CCNK: variants seen among roughly 807,000 people sequenced by gnomAD.
CCNK encodes cyclin K, also known as cyclin-K.
CCNK carries 9 observed loss-of-function variants against 65.0 expected under a neutral mutation model. The ratio of observed to expected loss-of-function variants is 0.14; its 90% CI spans 0.08 to 0.24. CCNK has a LOEUF of 0.24. CCNK is among the 10% of genes least tolerant of loss of function. CCNK has a pLI of 1.00. For synonymous variants in CCNK, 279 were observed against 270.8 expected (o/e 1.03, Z -0.30); for missense variants, 474 against 720.0 (o/e 0.66, Z 3.91).
At chr14:99,496,739 T>A (rs534405016) in intron 4 of CCNK, among the ~76,000 whole-genome samples, 5 of 140,650 alleles carry the variant, frequency 3.6e-5, no homozygotes, top group African/African-American at 7.8e-5. Flanking sequence ...AATATTACTT[T>A]AAAAAAAAAA....
At chr14:99,506,766 G>A (rs1445008229) in intron 9 of CCNK, 6 of 379,988 alleles carry the variant, frequency 1.6e-5, no homozygotes, top group Non-Finnish European at 3.0e-5. Context: ...TGCTCATGAA[G>A]ACGTTGCTCT....
Position 99,498,309 on chromosome 14 carries a change from A to G in CCNK, c.412-2457A>G, listed in dbSNP as rs151024148. Among the ~76,000 whole-genome samples the G allele has an allele frequency of 5.9e-3, 894 of 152,252 alleles. 9 individuals are homozygous for G. The highest frequency in any genetic ancestry group is 0.02 in the African/African-American group (846 of 41,534). ...AAAATGGGAAAAGAGGGGTCACCAT[A>G]CCAATTAGGTCTGAATGGGGGAGGG... On this transcript the variant is annotated intron_variant, in intron 4 of 10. Coordinates refer to ENST00000389879, the MANE Select transcript of CCNK (RefSeq NM_001099402.2).
At chr14:99,486,472 C>G (rs1896488501) in intron 1 of CCNK, among the ~76,000 whole-genome samples, 1 of 152,310 alleles carries the variant, frequency 6.6e-6, no homozygotes, top group South Asian at 2.1e-4. Flanking sequence ...TAGTTATCAC[C>G]TCTGTGTAGA....
Position 99,492,741 on chromosome 14 carries a change from C to T in CCNK, c.64C>T (p.Pro22Ser). The T allele has an allele frequency of 6.2e-7, 1 of 1,612,472 alleles. No homozygotes were observed. Among genetic ancestry groups the T allele is most frequent in the Non-Finnish European group, 8.5e-7 (1 of 1,179,512 alleles). The change falls in exon 2 of 11, where the codon CCA (proline) becomes TCA (serine). Residue 22 changes from proline (P) to serine (S), a missense_variant. Pro to Ser is a moderately conservative substitution (Grantham distance 74). This residue lies in a region of CCNK where 87 missense variants were observed against 166.2 expected (regional missense o/e 0.52). Transcript: ENST00000389879. ...VTSANLDHTKPCWYWDKKDLA... is the reference protein window; with the variant it reads ...VTSANLDHTKSCWYWDKKDLA... ...TTCAGCAAACCTGGACCACACAAAG[C>T]CATGTTGGTACTGGGATAAGAAAGA...
chr14:99,502,174 A>C (rs925745323), intron 6 of CCNK, 33 bp from the exon 7 acceptor site: 1 of 1,541,818 alleles, frequency 6.5e-7, no homozygotes, highest in African/African-American at 1.4e-5. Context: ...ATTAGATCAT[A>C]TTATCTAACC....
rs566277343 is a variant in CCNK at position 99,502,864 on chromosome 14, C to T, written c.891C>T (p.Ser297=). 11 of 1,613,254 alleles carry T rather than the reference C, an allele frequency of 6.8e-6. No homozygotes were observed. The highest frequency in any genetic ancestry group is 2.2e-5 in the East Asian group (1 of 44,850). ...QVQQSQPSQS[S]EPSQPQQKDP... is the part of the protein sequence containing the mutation. ...AGCAGTCACAGCCGTCTCAAAGCTCCGAACCATCCCAGCCCCAGCAGAAGG... is the reference window on the plus strand; with the variant it reads ...AGCAGTCACAGCCGTCTCAAAGCTCTGAACCATCCCAGCCCCAGCAGAAGG... The change falls in exon 8 of 11, where the codon TCC becomes TCT. Residue 297 remains serine (S), a synonymous_variant. Transcript: ENST00000389879.
At chr14:99,508,086 C>A (rs1897020576) in intron 10 of CCNK, 1 of 152,250 alleles carries the variant, frequency 6.6e-6, no homozygotes, top group South Asian at 2.1e-4. Context: ...GCACGTGGCT[C>A]ACACTGGGGC....
intron 10 of CCNK, 82 bp from the exon 11 acceptor site, chr14:99,510,075 G>A: frequency 7.3e-7 from 1 of 1,367,876 alleles, no homozygotes; most frequent in African/African-American, 1.4e-5. Flanking sequence ...CCTCTGTAAA[G>A]ATGGCCCTGA....
chr14:99,495,130 G>A (rs537265645), intron 3 of CCNK: 22 of 174,888 alleles, frequency 1.3e-4, no homozygotes, highest in African/African-American at 2.6e-4. Context: ...GATGGATTCC[G>A]CGGGACTGTG....
Position 99,510,280 on chromosome 14 carries a change from C to T in CCNK, c.1241C>T (p.Pro414Leu), listed in dbSNP as rs750096195. The change falls in exon 11 of 11, where the codon CCG (proline) becomes CTG (leucine). Residue 414 changes from proline to leucine, a missense_variant. Coordinates refer to ENST00000389879, the MANE Select transcript of CCNK (RefSeq NM_001099402.2). ...PAHPAPVHQPPPLPHRPPPPP... is the reference protein window; with the variant it reads ...PAHPAPVHQPLPLPHRPPPPP... ...CACCCGGCCCCTGTGCACCAGCCAC[C>T]GCCGCTGCCACACCGGCCCCCGCCC... 1.1e-5 allele frequency: 18 copies of T among 1,565,390 alleles called. No homozygotes were observed. The African/African-American group carries it at 1.4e-4, about 12-fold the overall frequency.
chr14:99,486,798 T>C (rs1361703312), intron 1 of CCNK, among the ~76,000 whole-genome samples: 1 of 152,214 alleles, frequency 6.6e-6, no homozygotes, highest in Non-Finnish European at 1.5e-5. Context: ...GAACTGCTAC[T>C]ATAATCTCCT....
At chr14:99,481,782 G>A (rs1001682052) in intron 1 of CCNK, among the ~76,000 whole-genome samples, 2 of 152,224 alleles carry the variant, frequency 1.3e-5, no homozygotes, top group African/African-American at 2.4e-5. Flanking sequence ...GGGCAAAAGG[G>A]GCAGCGGTGT....
chr14:99,481,532 G>A (rs1038981241), intron 1 of CCNK, 53 bp downstream of exon 1: 1 of 398,534 alleles, frequency 2.5e-6, no homozygotes, highest in Admixed American at 4.4e-5. Flanking sequence ...CGTATCTGGA[G>A]GTCGGAGTAG....
chr14:99,484,242 C>T (rs934458947), intron 1 of CCNK, among the ~76,000 whole-genome samples: 1 of 152,170 alleles, frequency 6.6e-6, no homozygotes, highest in Non-Finnish European at 1.5e-5. Context: ...CAGGTTGTTT[C>T]GTGTCTCTGG....
chr14:99,501,712 G>T, intron 6 of CCNK: 2 of 349,612 alleles, frequency 5.7e-6, no homozygotes, highest in Non-Finnish European at 1.0e-5. Context: ...GAGCCCATTT[G>T]GTTTTGCAAA....
At chr14:99,497,443 C>T (rs1488057824) in intron 4 of CCNK, among the ~76,000 whole-genome samples, 2 of 152,316 alleles carry the variant, frequency 1.3e-5, no homozygotes, top group East Asian at 1.9e-4. Context: ...ACATAACTCC[C>T]TCCCCTTCTC....
chr14:99,507,489 C>A, intron 10 of CCNK: 1 of 267,706 alleles, frequency 3.7e-6, no homozygotes, highest in Non-Finnish European at 7.3e-6. Context: ...CATTTGAGCC[C>A]TGGGCAGTCA....
At chr14:99,488,306 A>G (rs944626155) in intron 1 of CCNK, among the ~76,000 whole-genome samples, 2 of 151,536 alleles carry the variant, frequency 1.3e-5, no homozygotes, top group Non-Finnish European at 2.9e-5. Context: ...GGATCTAATC[A>G]AGGTTCACAC....
rs1203944675 is a variant in CCNK at position 99,510,922 on chromosome 14, A to G, written c.*140A>G. On this transcript the variant is annotated 3_prime_UTR_variant, in exon 11 of 11. Transcript: ENST00000389879. ...GGGAAGAATGGACCGGGCCCCTGGGATAAAATCAGAGTGGTCCTCACACCT... is the reference window on the plus strand; with the variant it reads ...GGGAAGAATGGACCGGGCCCCTGGGGTAAAATCAGAGTGGTCCTCACACCT... The G allele has an allele frequency of 2.7e-6, 2 of 741,750 alleles. No individual in the cohort carries two copies. The highest frequency in any genetic ancestry group is 3.7e-5 in the African/African-American group (2 of 54,500). 45.9% of individuals were successfully genotyped at this position (741,750 alleles called of 1,614,324 possible). A position where few individuals can be genotyped will look rare whatever the true frequency, so the allele number is the denominator to read the frequency against.
Sources: allele counts gnomAD v4.1 joint callset (sites outside exome capture counted in the v4.1 genomes callset), GRCh38; gene constraint gnomAD v4.1.1; regional missense constraint gnomAD v4.1.1; transcripts MANE v1.5; gene names NCBI Gene and HGNC (gene_info 2026-07-23, HGNC 2026-07-21).